The following PRDM2 variants were observed in gnomAD, a reference collection of about 807,000 sequenced individuals.
PRDM2 encodes PR domain zinc finger protein 2.
PRDM2 carries 30 observed loss-of-function variants against 130.0 expected under a neutral mutation model. The ratio of observed to expected loss-of-function variants is 0.23; its 90% CI spans 0.17 to 0.31. The LOEUF is 0.31. Among genes scored for constraint, PRDM2 ranks in the 10% least tolerant of loss-of-function variants. The pLI is 1.00. For synonymous variants in PRDM2, 871 were observed against 782.4 expected (o/e 1.11, Z -1.89); for missense variants, 2,011 against 2,108.4 (o/e 0.95, Z 0.90).
At chr1:13,761,467 C>T (rs1156832463) in intron 6 of PRDM2, among the ~76,000 whole-genome samples, 1 of 152,166 alleles carries the variant, frequency 6.6e-6, no homozygotes, top group Non-Finnish European at 1.5e-5. Context: ...ATGATCTGTG[C>T]AGCATCTTGA....
At chr1:13,743,317 G>A (rs1008528915) in intron 5 of PRDM2, among the ~76,000 whole-genome samples, 4 of 149,956 alleles carry the variant, frequency 2.7e-5, no homozygotes, top group African/African-American at 7.4e-5. Context: ...GGAGAAGGGC[G>A]TGAACCTGGG....
At position 13,806,738 on chromosome 1, in the gene PRDM2, G is replaced by T. The variant is rs1315014536; in HGVS notation, c.5037-9689G>T. On this transcript the variant is annotated intron_variant, in intron 8 of 9. Coordinates refer to ENST00000311066, the MANE Select transcript of PRDM2 (RefSeq NM_001393986.1). The surrounding 1 kb of genome is among the most constrained non-coding windows in gnomAD (Gnocchi z 4.1). Reference sequence around the variant, plus strand: ...CCAGTTCCTTCCCTGTCAACCCACGGTCTGTGCCCAGCACAGCAGCCACTT... The same window carrying T: ...CCAGTTCCTTCCCTGTCAACCCACGTTCTGTGCCCAGCACAGCAGCCACTT... Among the ~76,000 whole-genome samples, 1 of 152,094 alleles carries T rather than the reference G, an allele frequency of 6.6e-6. No homozygotes were observed. Among genetic ancestry groups the T allele is most frequent in the Non-Finnish European group, 1.5e-5 (1 of 68,018 alleles).
At chr1:13,773,031 A>G in intron 6 of PRDM2, 47 bp from the exon 7 acceptor site, 1 of 1,131,764 alleles carries the variant, frequency 8.8e-7, no homozygotes, top group Non-Finnish European at 1.2e-6. Context: ...ATGAATGAAT[A>G]AATAAAAAAA....
chr1:13,775,238 T>C (rs1427222677), intron 7 of PRDM2, among the ~76,000 whole-genome samples: 1 of 152,364 alleles, frequency 6.6e-6, no homozygotes. Context: ...TATGTTACTT[T>C]GGACAGTTTT....
At chr1:13,787,012 A>G in intron 8 of PRDM2, 1 of 985,874 alleles carries the variant, frequency 1.0e-6, no homozygotes, top group Non-Finnish European at 1.2e-6. Context: ...AATTATAGAC[A>G]GAGAGAGGCA....
chr1:13,799,306 A>G (rs566249180), intron 8 of PRDM2, among the ~76,000 whole-genome samples: 74 of 152,268 alleles, frequency 4.9e-4, no homozygotes, highest in African/African-American at 1.7e-3. Context: ...TTAGCTGGGC[A>G]TAGTGACGGG....
chr1:13,813,170 C>A (rs12083332), intron 8 of PRDM2, among the ~76,000 whole-genome samples: 4,073 of 152,256 alleles, frequency 0.027, 177 homozygotes, highest in African/African-American at 0.091. Context: ...TTACTGTAAC[C>A]CCAAACTGGT....
intron 1 of PRDM2, among the ~76,000 whole-genome samples, chr1:13,704,277 C>A (rs1465328724): frequency 1.3e-5 from 2 of 150,974 alleles, no homozygotes; most frequent in African/African-American, 2.4e-5. Context: ...TCATTCCCCA[C>A]CCCCACCTTC....
At chr1:13,752,739 A>G (rs1453926836) in intron 6 of PRDM2, among the ~76,000 whole-genome samples, 1 of 152,152 alleles carries the variant, frequency 6.6e-6, no homozygotes, top group Non-Finnish European at 1.5e-5. Flanking sequence ...GCTTTCTACA[A>G]ATGGGCTTAG....
At chr1:13,778,221 A>G (rs1194776718) in intron 7 of PRDM2, among the ~76,000 whole-genome samples, 197 bp from the exon 8 acceptor site, 1 of 152,212 alleles carries the variant, frequency 6.6e-6, no homozygotes, top group Non-Finnish European at 1.5e-5. Context: ...TACCCTAAAT[A>G]CTTGTTGAAT....
intron 2 of PRDM2, among the ~76,000 whole-genome samples, chr1:13,723,954 C>G (rs769357427): frequency 5.9e-5 from 9 of 152,200 alleles, no homozygotes; most frequent in Non-Finnish European, 1.2e-4. Context: ...GGTGATTAAC[C>G]AAGCCAACCA....
chr1:13,773,809 A>G (rs904088669), intron 7 of PRDM2: 2 of 152,238 alleles, frequency 1.3e-5, no homozygotes, highest in Non-Finnish European at 2.9e-5. Context: ...TAGCAAGGAC[A>G]TGAGGAGGCA....
chr1:13,821,771 G>A (rs1213117989), intron 9 of PRDM2, among the ~76,000 whole-genome samples: 3 of 152,086 alleles, frequency 2.0e-5, no homozygotes, highest in Admixed American at 2.0e-4. Flanking sequence ...CCAGCCTGCA[G>A]TGAACATTAT....
chr1:13,764,297 A>G (rs567458580), intron 6 of PRDM2, among the ~76,000 whole-genome samples: 50 of 152,262 alleles, frequency 3.3e-4, no homozygotes, highest in Non-Finnish European at 6.6e-4. Flanking sequence ...CCTCGTCACT[A>G]TTTATATGTA....
At chr1:13,709,389 T>C (rs1396559087) in intron 1 of PRDM2, among the ~76,000 whole-genome samples, 8 of 152,230 alleles carry the variant, frequency 5.3e-5, no homozygotes, top group Non-Finnish European at 7.3e-5. Context: ...TAGTTTTCTA[T>C]GACAATGAAT....
intron 8 of PRDM2, chr1:13,788,164 C>T (rs1241464197): frequency 1.0e-5 from 9 of 899,836 alleles, no homozygotes; most frequent in Non-Finnish European, 1.2e-5. Flanking sequence ...TCAGAGCCCG[C>T]ACTCTAATTT....
intron 1 of PRDM2, among the ~76,000 whole-genome samples, chr1:13,703,882 C>A (rs1334706852): frequency 1.3e-5 from 2 of 152,186 alleles, no homozygotes; most frequent in Non-Finnish European, 2.9e-5. Flanking sequence ...AGGTTATGCA[C>A]AGAAATGGTG....
rs369758411 is a variant in PRDM2, at chr1:13,722,528, G to A, written c.9+6914G>A. On this transcript the variant is annotated intron_variant, in intron 2 of 9. Transcript: ENST00000311066. Reference sequence around the variant, plus strand: ...TAGAATTTTTTTTTTTAAATCCATGGGTAGACCGAACAAACCCCATCTGAG... The same window carrying A: ...TAGAATTTTTTTTTTTAAATCCATGAGTAGACCGAACAAACCCCATCTGAG... 9.2e-5 allele frequency among the ~76,000 whole-genome samples: 14 copies of A among 152,000 alleles called. No homozygotes were observed. In the East Asian group the frequency reaches 9.7e-4, roughly 10 times the overall value.
rs769946635 is a variant in PRDM2 at position 13,781,320 on chromosome 1, G to A, written c.3525G>A (p.Thr1175=). Residue 1175 remains threonine, a synonymous_variant, in exon 8 of 10, where the codon ACG becomes ACA. Transcript: ENST00000311066. This position sits in a 1 kb window ranked among gnomAD's most constrained non-coding sequence, Gnocchi z 6.1. The stretch of plus-strand genomic sequence containing the variant: ...GTGTGCAGCTTTTTAAGGATAAAAC[G>A]GACTTGTCAGAACATCGCTTTTTGC... ...EFCVQLFKDK[T]DLSEHRFLLH... 6.2e-6 allele frequency: 10 copies of A among 1,614,012 alleles called. No individual in the cohort carries two copies. Among genetic ancestry groups the A allele is most frequent in the Middle Eastern group, 1.6e-4 (1 of 6,084 alleles).
Sources: gnomAD v4.1 joint callset for allele counts (sites outside exome capture counted in the v4.1 genomes callset) on GRCh38, gnomAD v4.1.1 for gene constraint, Gnocchi (gnomAD v3.1) non-coding constraint, MANE v1.5 for transcripts, NCBI Gene and HGNC (gene_info 2026-07-23, HGNC 2026-07-21) for gene names.